TTN: variants seen among roughly 807,000 people sequenced by gnomAD.
TTN encodes the protein connectin.
TTN carries 1,525 observed loss-of-function variants against 3,223.0 expected under a neutral mutation model. The observed-to-expected ratio is 0.47, with a 90% CI of 0.45 to 0.49. The LOEUF (loss-of-function observed/expected upper bound fraction) is 0.49, where lower values mean the gene tolerates loss of function less well. Ranked by LOEUF, TTN falls within the 20% of genes least tolerant of loss-of-function variation. The pLI, the probability that TTN is intolerant of heterozygous loss-of-function variation, is 0.00. For missense variants in TTN, 40,786 were observed against 43,424.0 expected (o/e 0.94, Z 5.40); for synonymous variants, 14,094 against 15,161.0 (o/e 0.93, Z 5.17).
In TTN at chr2:178,792,118, A is replaced by T. The variant is rs774503024; in HGVS notation, c.1616T>A (p.Ile539Asn). ...CTGTTTCTTAGTAATTTCTTCAGAA[A>T]TTCTAGTTTCTTGTTCTTTGGCTTT... ...AAKAKEQETRISEEITKKQKQ... is the reference protein window; with the variant it reads ...AAKAKEQETRNSEEITKKQKQ... The change falls in exon 10 of 363, where the codon ATT becomes AAT. Residue 539 changes from isoleucine (I) to asparagine (N), a missense_variant. Coordinates refer to ENST00000589042, the MANE Select transcript of TTN (RefSeq NM_001267550.2). 7.5e-5 allele frequency: 121 copies of T among 1,612,600 alleles called. No homozygotes were observed. Among genetic ancestry groups the T allele is most frequent in the Non-Finnish European group, 9.5e-5 (112 of 1,179,420 alleles).
In TTN at chr2:178,721,007, G is replaced by C. The variant is rs1230535310; in HGVS notation, c.23012C>G (p.Ala7671Gly). 6 of 1,613,240 alleles carry C rather than the reference G, an allele frequency of 3.7e-6. No homozygotes were observed. The East Asian group carries it at 1.3e-4, about 36-fold the overall frequency. The change falls in exon 79 of 363, where the codon GCT becomes GGT. Residue 7671 changes from alanine (A) to glycine (G), a missense_variant. Physicochemically the swap from Ala to Gly is moderately conservative, Grantham distance 60. Transcript: ENST00000589042. ...NSVALLTINE[A>G]SAEDSGDYIC... is the part of the protein sequence containing the mutation. The stretch of plus-strand genomic sequence containing the variant: ...GTAGTCCCCGCTGTCTTCAGCACTA[G>C]CTTCATTGATCGTAAGCAATGCCAC...
At chr2:178,593,898 G>A (rs769499556) in intron 297 of TTN, 31 bp from the exon 298 acceptor site, 2 of 1,608,098 alleles carry the variant, frequency 1.2e-6, no homozygotes, top group South Asian at 1.1e-5. Flanking sequence ...GGCACAAAAT[G>A]TTATTGCCAT....
rs931535269 is a variant in TTN, at chr2:178,552,716, T to C, written c.90184A>G (p.Ile30062Val). ...TTCCTTTCTACAACATATTCTGTGATGACGCTACCACCATCAAAGTCAGGT... is the reference window on the plus strand; with the variant it reads ...TTCCTTTCTACAACATATTCTGTGACGACGCTACCACCATCAAAGTCAGGT... ...TKPDFDGGSV[I>V]TEYVVERKGK... Residue 30062 changes from isoleucine (I) to valine (V), a missense_variant, in exon 335 of 363, where the codon ATC (isoleucine) becomes GTC (valine). Transcript: ENST00000589042. The C allele has an allele frequency of 6.2e-7, 1 of 1,613,848 alleles. No individual in the cohort carries two copies. Among genetic ancestry groups the C allele is most frequent in the Admixed American group, 1.7e-5 (1 of 60,004 alleles).
At chr2:178,733,985 C>A in intron 52 of TTN, 93 bp from the exon 53 acceptor site, 2 of 1,248,590 alleles carry the variant, frequency 1.6e-6, no homozygotes, top group Non-Finnish European at 2.2e-6. Context: ...TTATATTTAT[C>A]TTGTCCCAAT....
intron 152 of TTN, 99 bp downstream of exon 152, chr2:178,673,534 C>A: frequency 1.2e-6 from 1 of 820,300 alleles, no homozygotes; most frequent in Non-Finnish European, 1.8e-6. Context: ...AGTTCACTAT[C>A]TAAATGATTA....
chr2:178,713,458 C>T (rs1447851446), intron 92 of TTN, 86 bp from the exon 93 acceptor site: 2 of 1,440,856 alleles, frequency 1.4e-6, no homozygotes, highest in Non-Finnish European at 1.8e-6. Flanking sequence ...AGAGAACTGT[C>T]TTTTTGATGG....
rs770708534 is a variant in TTN at position 178,570,316 on chromosome 2, G to A, written c.75816C>T (p.Gly25272=). ...LSCKVTKLLE[G]NEYTFRIMAV... is the part of the protein sequence containing the mutation. ...CCATTATACGGAAAGTATATTCATT[G>A]CCTTCAAGAAGCTTAGTAACCTTGC... Residue 25272 remains glycine, a synonymous_variant, in exon 326 of 363, where the codon GGC becomes GGT. Coordinates refer to ENST00000589042, the MANE Select transcript of TTN (RefSeq NM_001267550.2). 16 of 1,613,134 alleles carry A rather than the reference G, an allele frequency of 9.9e-6. No individual in the cohort carries two copies. The highest frequency in any genetic ancestry group is 1.3e-5 in the Non-Finnish European group (15 of 1,179,594).
chr2:178,593,953 A>G lies in TTN; in HGVS notation c.58432+8T>C. The G allele has an allele frequency of 1.2e-6, 2 of 1,613,090 alleles. No individual in the cohort carries two copies. The highest frequency in any genetic ancestry group is 1.7e-6 in the Non-Finnish European group (2 of 1,179,578). ...GAAGATCTATTCTTTCCACTAAATAAGACTTACCAACAACATTAACTTGAC... is the reference window on the plus strand; with the variant it reads ...GAAGATCTATTCTTTCCACTAAATAGGACTTACCAACAACATTAACTTGAC... On this transcript the variant is annotated splice_region_variant and intron_variant, in intron 297 of 362. Coordinates refer to ENST00000589042, the MANE Select transcript of TTN (RefSeq NM_001267550.2).
At chr2:178,689,030 C>G in intron 125 of TTN, 23 bp downstream of exon 125, 32 of 771,120 alleles carry the variant, frequency 4.1e-5, no homozygotes, top group Non-Finnish European at 5.4e-5. Context: ...TTTTTTTTGT[C>G]AGAGGATTGA....
Position 178,568,195 on chromosome 2 carries a change from A to G in TTN, c.77937T>C (p.Ser25979=). 1 of 1,613,568 alleles carries G rather than the reference A, an allele frequency of 6.2e-7. No homozygotes were observed. Among genetic ancestry groups the G allele is most frequent in the African/African-American group, 1.3e-5 (1 of 75,004 alleles). Reference sequence around the variant, plus strand: ...AGGGATATTGAGCTACAATTGGATCAGACTCTAAGGCAAAGCTTTGTCCAT... The same window carrying G: ...AGGGATATTGAGCTACAATTGGATCGGACTCTAAGGCAAAGCTTTGTCCAT... ...NRYGQSFALE[S]DPIVAQYPYK... Residue 25979 remains serine (S), a synonymous_variant, in exon 326 of 363, where the codon TCT becomes TCC. Coordinates refer to ENST00000589042, the MANE Select transcript of TTN (RefSeq NM_001267550.2).
At position 178,531,804 on chromosome 2, in the gene TTN, T is replaced by G; in HGVS notation, c.104811A>C (p.Thr34937=). The change falls in exon 358 of 363, where the codon ACA becomes ACC. Residue 34937 remains threonine (T), a synonymous_variant. Transcript: ENST00000589042. ...KYEVLSQQPF[T]LDHAPRITLR... ...GTGTGATTCGAGGGGCATGGTCCAG[T>G]GTGAAAGGCTGCTGACTCAAAACTT... 8.7e-6 allele frequency: 14 copies of G among 1,614,004 alleles called. No homozygotes were observed. Among genetic ancestry groups the G allele is most frequent in the Non-Finnish European group, 1.2e-5 (14 of 1,179,876 alleles).
intron 125 of TTN, 53 bp from the exon 126 acceptor site, chr2:178,688,831 C>T: frequency 4.9e-6 from 7 of 1,443,150 alleles, no homozygotes; most frequent in African/African-American, 1.4e-5. Flanking sequence ...TAACAATTCT[C>T]ACTTTCTAGA....
intron 133 of TTN, 140 bp downstream of exon 133, chr2:178,683,859 G>A: frequency 2.0e-6 from 1 of 503,116 alleles, no homozygotes; most frequent in Non-Finnish European, 3.3e-6. Flanking sequence ...GTTTAGTTTT[G>A]AAGTGATATG....
rs753331124 is a variant in TTN at position 178,568,743 on chromosome 2, C to G, written c.77389G>C (p.Glu25797Gln). The change falls in exon 326 of 363, where the codon GAG (glutamate) becomes CAG (glutamine). Residue 25797 changes from glutamate (E) to glutamine (Q), a missense_variant. Coordinates refer to ENST00000589042, the MANE Select transcript of TTN (RefSeq NM_001267550.2). ...VPIVAKDLVI[E>Q]PDVKPAFSSY... ...CTGAATGCAGGTTTTACATCTGGCT[C>G]AATTACCAGATCTTTGGCAACTATT... 11 of 1,612,956 alleles carry G rather than the reference C, an allele frequency of 6.8e-6. No homozygotes were observed. In the Admixed American group the frequency reaches 1.0e-4, roughly 15 times the overall value.
chr2:178,589,420 G>T lies in TTN; in HGVS notation c.62305C>A (p.Pro20769Thr). The T allele has an allele frequency of 3.7e-6, 6 of 1,613,376 alleles. No individual in the cohort carries two copies. The highest frequency in any genetic ancestry group is 5.1e-6 in the Non-Finnish European group (6 of 1,179,628). The change falls in exon 304 of 363, where the codon CCA becomes ACA. Residue 20769 changes from proline to threonine, a missense_variant. By Grantham distance (38) the Pro-to-Thr change is conservative (BLOSUM62 -1). Transcript: ENST00000589042. ...EVVVKEDLQK[P>T]VLDLKLSGVL... ...CCACTTAATTTCAGATCAAGTACTG[G>T]TTTTTGTAAGTCTTCTTTCACAACA...
chr2:178,597,904 T>C lies in TTN; in HGVS notation c.57262+4A>G, dbSNP rs1204414283. On this transcript the variant is annotated splice_donor_region_variant and intron_variant, in intron 293 of 362. Coordinates refer to ENST00000589042, the MANE Select transcript of TTN (RefSeq NM_001267550.2). ...TGATGGCATAAGGAAGGATTGATAA[T>C]TACCAAGTCTGTCCTTCATTTCAAT... The C allele has an allele frequency of 6.2e-7, 1 of 1,613,074 alleles. No individual in the cohort carries two copies. Among genetic ancestry groups the C allele is most frequent in the Admixed American group, 1.7e-5 (1 of 59,914 alleles).
Position 178,567,456 on chromosome 2 carries a change from C to G in TTN, c.78676G>C (p.Glu26226Gln), listed in dbSNP as rs754878387. 67 of 1,613,000 alleles carry G rather than the reference C, an allele frequency of 4.2e-5. No homozygotes were observed. In the Middle Eastern group the frequency reaches 5.0e-4, roughly 12 times the overall value. Residue 26226 changes from glutamate to glutamine, a missense_variant, in exon 326 of 363, where the codon GAG (glutamate) becomes CAG (glutamine). Coordinates refer to ENST00000589042, the MANE Select transcript of TTN (RefSeq NM_001267550.2). The stretch of plus-strand genomic sequence containing the variant: ...ATTTCCTTATCTCCTCTTAACCACT[C>G]AATGGTAGGTAGGGGCTTTCCATGG... Reference protein sequence around the residue: ...DVHGKPLPTIEWLRGDKEIEE... With the variant: ...DVHGKPLPTIQWLRGDKEIEE...
rs964395276 is a variant in TTN, at chr2:178,734,470, A to G, written c.15354T>C (p.Ser5118=). The G allele has an allele frequency of 6.2e-6, 10 of 1,613,754 alleles. No homozygotes were observed. Among genetic ancestry groups the G allele is most frequent in the Non-Finnish European group, 8.5e-6 (10 of 1,179,738 alleles). ...TCTGAGAAAACAATCTGTATTTTTT[A>G]CTACTTCGAATTTGTTTCTTGTCTT... The part of the protein sequence containing the change: ...WFKDKKQIRS[S]KKYRLFSQKS... Residue 5118 remains serine (S), a synonymous_variant, in exon 52 of 363, where the codon AGT becomes AGC. Transcript: ENST00000589042.
chr2:178,747,746 T>A, intron 47 of TTN: 1 of 1,611,594 alleles, frequency 6.2e-7, no homozygotes, highest in Non-Finnish European at 8.5e-7. Flanking sequence ...AGGAATATTT[T>A]GAGAAAAACT....
Sources: allele counts gnomAD v4.1 joint callset, GRCh38; gene constraint gnomAD v4.1.1; transcripts MANE v1.5; gene names NCBI Gene and HGNC (gene_info 2026-07-23, HGNC 2026-07-21).